The following GOLPH3L variants were observed in gnomAD, a reference collection of about 807,000 sequenced individuals.
GOLPH3L encodes the protein Golgi phosphoprotein 3-like.
In GOLPH3L, 22 loss-of-function variants were observed where a neutral mutation model predicts 30.3. That is an observed-to-expected ratio of 0.73 (90% CI 0.52 to 1.04). The LOEUF (loss-of-function observed/expected upper bound fraction) is 1.04. GOLPH3L is among the 50% of genes least tolerant of loss of function. GOLPH3L has a pLI of 0.00. For missense variants in GOLPH3L, 303 were observed against 345.8 expected (o/e 0.88, Z 0.98); for synonymous variants, 120 against 128.2 (o/e 0.94, Z 0.43).
chr1:150,662,180 A>G (rs587616178), intron 3 of GOLPH3L, among the ~76,000 whole-genome samples: 1 of 152,250 alleles, frequency 6.6e-6, no homozygotes, highest in Non-Finnish European at 1.5e-5. Context: ...ATAACAACTC[A>G]TTTTGAGTCT....
Position 150,694,782 on chromosome 1 carries a change from C to T in GOLPH3L, c.57G>A (p.Lys19=). Residue 19 remains lysine, a synonymous_variant, in exon 2 of 5, where the codon AAG becomes AAA. Transcript: ENST00000271732. ...TACTGTCTTCCTCACTTTCCATCTTCTTTTCAGAGTTCTTGCTTATTTCAG... is the reference window on the plus strand; with the variant it reads ...TACTGTCTTCCTCACTTTCCATCTTTTTTTCAGAGTTCTTGCTTATTTCAG... ...RRTEISKNSE[K]KMESEEDSNW... is the part of the protein sequence containing the mutation. 1 of 1,613,280 alleles carries T rather than the reference C, an allele frequency of 6.2e-7. No homozygotes were observed. Among genetic ancestry groups the T allele is most frequent in the Non-Finnish European group, 8.5e-7 (1 of 1,179,406 alleles).
chr1:150,675,314 A>G (rs1650747877), intron 2 of GOLPH3L, among the ~76,000 whole-genome samples: 1 of 151,888 alleles, frequency 6.6e-6, no homozygotes, highest in Non-Finnish European at 1.5e-5. Context: ...ACTAGCATAT[A>G]CACATTGTAG....
chr1:150,663,888 T>C (rs1650433139), intron 2 of GOLPH3L, 125 bp from the exon 3 acceptor site: 5 of 669,546 alleles, frequency 7.5e-6, no homozygotes, highest in South Asian at 4.0e-5. Context: ...ACTCAAAGTA[T>C]AGAGTAAGAG....
At chr1:150,679,494 A>G (rs1212416361) in intron 2 of GOLPH3L, among the ~76,000 whole-genome samples, 1 of 152,218 alleles carries the variant, frequency 6.6e-6, no homozygotes, top group Non-Finnish European at 1.5e-5. Flanking sequence ...CAAAATTTAA[A>G]GCTGGTTAGA....
At position 150,670,497 on chromosome 1, in the gene GOLPH3L, T is replaced by C. The variant is rs1314738272; in HGVS notation, c.184-6734A>G. Among the ~76,000 whole-genome samples, 6 of 151,976 alleles carry C rather than the reference T, an allele frequency of 3.9e-5. No homozygotes were observed. The South Asian group carries it at 1.2e-3, about 32-fold the overall frequency. The stretch of plus-strand genomic sequence containing the variant: ...CTGTAGTCCCAGCTACTTGGGAGGC[T>C]GAGGCAGGAGAATGGCATGAACCCA... On this transcript the variant is annotated intron_variant, in intron 2 of 4. Coordinates refer to ENST00000271732, the MANE Select transcript of GOLPH3L (RefSeq NM_018178.6).
intron 2 of GOLPH3L, 78 bp from the exon 3 acceptor site, chr1:150,663,841 C>A: frequency 8.1e-7 from 1 of 1,239,244 alleles, no homozygotes; most frequent in South Asian, 1.3e-5. Context: ...AAGAACAGGC[C>A]GCTTTGTTGT....
At chr1:150,686,495 C>T (rs11204697) in intron 2 of GOLPH3L, among the ~76,000 whole-genome samples, 58,545 of 152,004 alleles carry the variant, frequency 0.39, 11,601 homozygotes, top group South Asian at 0.55. Flanking sequence ...AGTGAAACAC[C>T]ACGCCCAGTT....
intron 2 of GOLPH3L, among the ~76,000 whole-genome samples, chr1:150,684,536 A>G: frequency 6.6e-6 from 1 of 152,020 alleles, no homozygotes; most frequent in East Asian, 1.9e-4. Context: ...ACTCATATTT[A>G]TCTCTTTTTA....
intron 2 of GOLPH3L, chr1:150,694,079 G>GT (rs1651287688): frequency 2.5e-6 from 1 of 393,176 alleles, no homozygotes; most frequent in Non-Finnish European, 5.1e-6. Context: ...GGCTAGTCTT[G>GT]AACTCCTGGC....
intron 2 of GOLPH3L, among the ~76,000 whole-genome samples, chr1:150,670,740 AT>A (rs1448272191): frequency 1.3e-5 from 2 of 152,084 alleles, no homozygotes; most frequent in East Asian, 3.8e-4. Context: ...GTTTACACTT[AT>A]TAATATTATT....
intron 2 of GOLPH3L, among the ~76,000 whole-genome samples, chr1:150,691,719 T>C (rs1416395489): frequency 6.6e-6 from 1 of 152,168 alleles, no homozygotes; most frequent in East Asian, 1.9e-4. Context: ...TTGTACCACC[T>C]AAATATGCAA....
intron 2 of GOLPH3L, among the ~76,000 whole-genome samples, chr1:150,667,825 AC>A (rs1319860873): frequency 1.3e-5 from 2 of 151,764 alleles, no homozygotes; most frequent in Non-Finnish European, 2.9e-5. Context: ...TGATCTCCTG[AC>A]CTCGTGACCC....
intron 2 of GOLPH3L, among the ~76,000 whole-genome samples, chr1:150,663,968 T>C (rs1188922093): frequency 1.3e-5 from 2 of 152,054 alleles, no homozygotes; most frequent in Non-Finnish European, 2.9e-5. Context: ...CTTTAGTGAA[T>C]TTCCATGGTT....
At chr1:150,656,491 G>A (rs1323503036) in intron 4 of GOLPH3L, among the ~76,000 whole-genome samples, 1 of 152,092 alleles carries the variant, frequency 6.6e-6, no homozygotes, top group Non-Finnish European at 1.5e-5. Flanking sequence ...GCAGCAAATC[G>A]AAAAGCAAGT....
chr1:150,660,563 A>G (rs770939989), intron 4 of GOLPH3L, among the ~76,000 whole-genome samples: 6 of 152,262 alleles, frequency 3.9e-5, no homozygotes, highest in Non-Finnish European at 8.8e-5. Flanking sequence ...TGGTTAAACG[A>G]AAGTGTTATA....
At chr1:150,693,847 ATTTTTTTTTT>A (rs66627372) in intron 2 of GOLPH3L, among the ~76,000 whole-genome samples, 6 of 27,214 alleles carry the variant, frequency 2.2e-4, no homozygotes, top group Admixed American at 7.1e-4. Flanking sequence ...ATATATATAT[ATTTTTTTTTT>A]TTTTTTTTTT....
chr1:150,685,138 C>T (rs1445791662), intron 2 of GOLPH3L, among the ~76,000 whole-genome samples: 1 of 151,948 alleles, frequency 6.6e-6, no homozygotes, highest in Non-Finnish European at 1.5e-5. Context: ...CCTATTTCCT[C>T]CTTAATATTT....
chr1:150,689,549 G>A (rs1387913551), intron 2 of GOLPH3L, among the ~76,000 whole-genome samples: 1 of 152,146 alleles, frequency 6.6e-6, no homozygotes, highest in African/African-American at 2.4e-5. Context: ...AACTGAGATA[G>A]TATCTAATTT....
In GOLPH3L at chr1:150,694,744, C is replaced by G; in HGVS notation, c.95G>C (p.Ser32Thr). 6.2e-7 allele frequency: 1 copy of G among 1,609,832 alleles called. No homozygotes were observed. Among genetic ancestry groups the G allele is most frequent in the South Asian group, 1.1e-5 (1 of 90,982 alleles). Residue 32 changes from serine (S) to threonine (T), a missense_variant, in exon 2 of 5, where the codon AGT becomes ACT. Ser to Thr is a moderately conservative substitution (Grantham distance 58). Transcript: ENST00000271732. Reference sequence around the variant, plus strand: ...GTCTCCAGAATCTTCATTGTCTGGACTTTTCTCCCAATTACTGTCTTCCTC... The same window carrying G: ...GTCTCCAGAATCTTCATTGTCTGGAGTTTTCTCCCAATTACTGTCTTCCTC... ...ESEEDSNWEK[S>T]PDNEDSGDSK...
Sources: gnomAD v4.1 joint callset for allele counts (sites outside exome capture counted in the v4.1 genomes callset) on GRCh38, gnomAD v4.1.1 for gene constraint, MANE v1.5 for transcripts, NCBI Gene and HGNC (gene_info 2026-07-23, HGNC 2026-07-21) for gene names.